The following NHSL2 variants were observed in gnomAD, a reference collection of about 807,000 sequenced individuals.
NHSL2 encodes NHS like 2.
In NHSL2, 27 loss-of-function variants were observed where a neutral mutation model predicts 53.4. The observed-to-expected ratio is 0.51, with a 90% CI of 0.37 to 0.70. The LOEUF (loss-of-function observed/expected upper bound fraction) is 0.70, where lower values mean the gene tolerates loss of function less well. NHSL2 is among the 30% of genes least tolerant of loss of function. The pLI, the probability that NHSL2 is intolerant of heterozygous loss-of-function variation, is 0.00. For missense variants in NHSL2, 892 were observed against 980.1 expected (o/e 0.91, Z 1.20); for synonymous variants, 408 against 404.1 (o/e 1.01, Z -0.12).
chrX:72,115,619 G>C (rs2042132842), intron 1 of NHSL2, among the ~76,000 whole-genome samples: 1 of 111,305 alleles, frequency 9.0e-6, no homozygotes, highest in Non-Finnish European at 1.9e-5. Context: ...TTAATGGATG[G>C]GATTGCATTT....
At chrX:71,957,498 C>T (rs1425255527) in intron 1 of NHSL2, among the ~76,000 whole-genome samples, 1 of 112,002 alleles carries the variant, frequency 8.9e-6, no homozygotes, top group Non-Finnish European at 1.9e-5. Context: ...GATCTCCTGA[C>T]CTCGTGATCC....
intron 6 of NHSL2, 85 bp from the exon 7 acceptor site, chrX:72,142,147 C>G: frequency 1.3e-6 from 1 of 781,413 alleles, no homozygotes; most frequent in Non-Finnish European, 1.8e-6. Flanking sequence ...GAGTTGCTTT[C>G]ACCATCAAAT....
intron 1 of NHSL2, among the ~76,000 whole-genome samples, chrX:71,943,389 A>G (rs1016138250): frequency 1.8e-5 from 2 of 112,471 alleles, no homozygotes; most frequent in African/African-American, 3.2e-5. Flanking sequence ...TTGGTTTTCC[A>G]CTGAGTATCA....
rs2042480082 is a variant in NHSL2 at position 72,148,392 on chromosome X, A to T, written c.*4818A>T. 1 of 111,219 alleles carries T rather than the reference A, an allele frequency of 9.0e-6. No homozygotes were observed. Among genetic ancestry groups the T allele is most frequent in the African/African-American group, 3.3e-5 (1 of 30,542 alleles). The allele number at this position is 111,219 out of a possible 1,213,427, so 9.2% of individuals were successfully genotyped here. A position where few individuals can be genotyped will look rare whatever the true frequency, so the allele number is the denominator to read the frequency against. ...CCCTGCTTCATCTCTGTTATGGGCT[A>T]TCAGTCCAGCTTGGTGTGAAAATGA... On this transcript the variant is annotated 3_prime_UTR_variant, in exon 8 of 8. Coordinates refer to ENST00000633930, the MANE Select transcript of NHSL2 (RefSeq NM_001013627.3).
At chrX:71,984,817 A>G (rs1161886049) in intron 1 of NHSL2, among the ~76,000 whole-genome samples, 3 of 78,692 alleles carry the variant, frequency 3.8e-5, no homozygotes, top group Non-Finnish European at 7.2e-5. Flanking sequence ...ATGGAGCTCT[A>G]TTTCTTTCCT....
rs149563512 is a variant in NHSL2, at chrX:72,106,649, T to A, written c.281-25430T>A. Among the ~76,000 whole-genome samples the A allele has an allele frequency of 4.4e-3, 496 of 111,485 alleles. 1 individual carries two copies. The highest frequency in any genetic ancestry group is 0.015 in the African/African-American group (474 of 30,597). On this transcript the variant is annotated intron_variant, in intron 1 of 7. Transcript: ENST00000633930. ...CAGAGGATTATAAATCATGCTACTA[T>A]AAAGACACACACACAGATATGTTTA... is the stretch of plus-strand genomic sequence containing the variant.
rs192981564 is a variant in NHSL2 at position 72,139,243 on chromosome X, A to G, written c.1695A>G (p.Lys565=). The change falls in exon 6 of 8, where the codon AAA becomes AAG. Residue 565 remains lysine (K), a synonymous_variant. Coordinates refer to ENST00000633930, the MANE Select transcript of NHSL2 (RefSeq NM_001013627.3). ...AGAGTATCTCACTTAGGAAGGCCAA[A>G]AAGAAGCCTTCCCCACCCACACGCA... The part of the protein sequence containing the change: ...RSKSISLRKA[K]KKPSPPTRSV... The G allele has an allele frequency of 1.7e-4, 197 of 1,183,684 alleles. 1 individual carries two copies. In the East Asian group the frequency reaches 4.8e-3, roughly 29 times the overall value.
chrX:72,136,138 C>G (rs1412776533), intron 4 of NHSL2, among the ~76,000 whole-genome samples: 1 of 111,357 alleles, frequency 9.0e-6, no homozygotes, highest in African/African-American at 3.3e-5. Flanking sequence ...AGCTGTGTGG[C>G]TGGCTGAATG....
chrX:72,076,081 A>G (rs774003744), intron 1 of NHSL2, among the ~76,000 whole-genome samples: 9 of 110,534 alleles, frequency 8.1e-5, no homozygotes, highest in South Asian at 7.8e-4. Context: ...TTACAGGCAT[A>G]TGCCACCACG....
At chrX:71,999,805 T>C (rs2042065004) in intron 1 of NHSL2, among the ~76,000 whole-genome samples, 1 of 112,191 alleles carries the variant, frequency 8.9e-6, no homozygotes, top group Non-Finnish European at 1.9e-5. Context: ...AAAAAAAAAT[T>C]GTCAAGTTCC....
intron 1 of NHSL2, chrX:72,131,199 G>C (rs952058803): frequency 1.7e-6 from 2 of 1,193,726 alleles, no homozygotes; most frequent in Admixed American, 2.3e-5. Flanking sequence ...CGGGCCCGTC[G>C]GGGGTGCTGC....
intron 1 of NHSL2, among the ~76,000 whole-genome samples, chrX:72,025,835 T>C (rs965648842): frequency 8.9e-5 from 10 of 112,149 alleles, no homozygotes; most frequent in African/African-American, 1.6e-4. Flanking sequence ...GCCAGCTGCA[T>C]GCCTGAGTTC....
intron 1 of NHSL2, chrX:71,966,205 A>C (rs1290347752): frequency 8.9e-6 from 1 of 112,417 alleles, no homozygotes; most frequent in African/African-American, 3.2e-5. Context: ...CTAGGAGTTT[A>C]TTTATTGATT....
chrX:72,137,418 T>C (rs2042366103), intron 5 of NHSL2, among the ~76,000 whole-genome samples, 193 bp downstream of exon 5: 1 of 112,662 alleles, frequency 8.9e-6, no homozygotes, highest in Non-Finnish European at 1.9e-5. Flanking sequence ...CAACTGAATA[T>C]GGAGAGTAGG....
intron 1 of NHSL2, chrX:72,130,465 G>C: frequency 1.7e-6 from 2 of 1,209,707 alleles, no homozygotes; most frequent in East Asian, 5.9e-5. Flanking sequence ...CTGGTCCTTG[G>C]AGTGAAGCCT....
chrX:71,976,942 CCAGGATA>C (rs2041951211), intron 1 of NHSL2, among the ~76,000 whole-genome samples: 1 of 112,264 alleles, frequency 8.9e-6, no homozygotes, highest in Admixed American at 9.4e-5. Context: ...TGGGTTGGGG[CCAGGATA>C]TGCTGATGCT....
At chrX:71,986,383 C>T (rs1208545562) in intron 1 of NHSL2, among the ~76,000 whole-genome samples, 1 of 111,766 alleles carries the variant, frequency 8.9e-6, no homozygotes, top group African/African-American at 3.3e-5. Context: ...AGGCAAAACC[C>T]CATACTCACT....
rs746500445 is a variant in NHSL2 at position 71,961,310 on chromosome X, T to C, written c.280+49943T>C. On this transcript the variant is annotated intron_variant, in intron 1 of 7. Transcript: ENST00000633930. ...TGTATATATAAGATCATGTCATATG[T>C]GAATAGAGATAGTTTTACTATTTCT... is the stretch of plus-strand genomic sequence containing the variant. 9.9e-5 allele frequency among the ~76,000 whole-genome samples: 11 copies of C among 111,279 alleles called. No individual in the cohort carries two copies. In the East Asian group the frequency reaches 3.1e-3, roughly 31 times the overall value.
At chrX:71,977,983 T>C (rs1602290194) in intron 1 of NHSL2, among the ~76,000 whole-genome samples, 1 of 111,289 alleles carries the variant, frequency 9.0e-6, no homozygotes, top group Non-Finnish European at 1.9e-5. Context: ...CCATCCTTGC[T>C]ACTTACTCTC....
Sources: gnomAD v4.1 joint callset for allele counts (sites outside exome capture counted in the v4.1 genomes callset) on GRCh38, gnomAD v4.1.1 for gene constraint, MANE v1.5 for transcripts, NCBI Gene and HGNC (gene_info 2026-07-23, HGNC 2026-07-21) for gene names.